RTN4RL1: variants seen among roughly 807,000 people sequenced by gnomAD.
RTN4RL1 encodes reticulon 4 receptor like 1.
Under a neutral mutation model 25.6 loss-of-function variants are expected in RTN4RL1, and 7 were observed. The observed-to-expected ratio is 0.27, with a 90% CI of 0.16 to 0.51. The LOEUF is 0.51. RTN4RL1 is among the 20% of genes least tolerant of loss of function. The probability of loss-of-function intolerance (pLI) is 0.97; values close to 1 mark genes in which losing one functional copy is unlikely to be tolerated. For missense variants in RTN4RL1, 500 were observed against 615.6 expected (o/e 0.81, Z 1.99); for synonymous variants, 297 against 288.2 (o/e 1.03, Z -0.31).
rs71723916 is a variant in RTN4RL1 at position 1,980,926 on chromosome 17, C to CAAAAAAAAAAAAAAAAAA, written c.14-43136_14-43119dup. Among the ~76,000 whole-genome samples the CAAAAAAAAAAAAAAAAAA allele has an allele frequency of 4.1e-4, 36 of 87,102 alleles. 1 individual carries two copies. Among genetic ancestry groups the CAAAAAAAAAAAAAAAAAA allele is most frequent in the Non-Finnish European group, 5.8e-4 (27 of 46,494 alleles). 57.1% of individuals were successfully genotyped at this position (87,102 alleles called of 152,430 possible). ...TGGGCCACAGAGTGAGATTCTATCTCAAAAAAAAAAAAAAAAAAAAGAAGT... is the reference window on the plus strand; with the variant it reads ...TGGGCCACAGAGTGAGATTCTATCTCAAAAAAAAAAAAAAAAAAAAAAAAAAAAAAAAAAAAAAGAAGT... On this transcript the variant is annotated intron_variant, in intron 1 of 1. Coordinates refer to ENST00000331238, the MANE Select transcript of RTN4RL1 (RefSeq NM_178568.4).
At chr17:2,018,687 G>A (rs1432877837) in intron 1 of RTN4RL1, among the ~76,000 whole-genome samples, 1 of 152,104 alleles carries the variant, frequency 6.6e-6, no homozygotes, top group East Asian at 1.9e-4. Flanking sequence ...TCAGCAGTGC[G>A]CCGGCTGGGT....
intron 1 of RTN4RL1, among the ~76,000 whole-genome samples, chr17:2,016,641 C>T (rs934076893): frequency 5.9e-5 from 9 of 152,208 alleles, no homozygotes; most frequent in Admixed American, 5.2e-4. Flanking sequence ...AGTCTGGCAG[C>T]GTGTGATGAG....
chr17:2,023,967 G>T (rs1282913563), intron 1 of RTN4RL1, among the ~76,000 whole-genome samples: 1 of 152,156 alleles, frequency 6.6e-6, no homozygotes, highest in Non-Finnish European at 1.5e-5. Context: ...GCTCGGGCCT[G>T]GGAGGGGAGA....
intron 1 of RTN4RL1, among the ~76,000 whole-genome samples, chr17:1,980,798 G>A (rs988704059): frequency 4.4e-4 from 66 of 151,688 alleles, no homozygotes; most frequent in African/African-American, 1.6e-3. Flanking sequence ...GTGTGGTGGT[G>A]TAGCCTGTAA....
chr17:2,013,342 T>C (rs950782196), intron 1 of RTN4RL1, among the ~76,000 whole-genome samples: 3 of 152,184 alleles, frequency 2.0e-5, no homozygotes, highest in African/African-American at 7.2e-5. Context: ...GTGTAGCAGA[T>C]ACTGCGAGGG....
chr17:1,954,731 T>C (rs527888729), intron 1 of RTN4RL1, among the ~76,000 whole-genome samples: 50 of 152,288 alleles, frequency 3.3e-4, no homozygotes, highest in African/African-American at 1.2e-3. Context: ...GCAGCACTGC[T>C]GCGCGTCCAA....
rs1400942199 is a variant in RTN4RL1, at chr17:2,025,184, G to A, written c.-319C>T. ...CGGAGCACTTCGCAGGCGGTTTTGA[G>A]GGGGGACGCCGCCCCCTGGCCGGCC... On this transcript the variant is annotated 5_prime_UTR_variant, in exon 1 of 2. Transcript: ENST00000331238. This position sits in a 1 kb window ranked among gnomAD's most constrained non-coding sequence, Gnocchi z 4.8. 1 of 248,182 alleles carries A rather than the reference G, an allele frequency of 4.0e-6. No homozygotes were observed. The highest frequency in any genetic ancestry group is 2.3e-5 in the African/African-American group (1 of 44,286). The allele number at this position is 248,182 out of a possible 1,614,324, so 15.4% of individuals were successfully genotyped here. A position where few individuals can be genotyped will look rare whatever the true frequency, so the allele number is the denominator to read the frequency against.
intron 1 of RTN4RL1, among the ~76,000 whole-genome samples, chr17:2,022,360 C>T (rs900051199): frequency 3.3e-5 from 5 of 152,058 alleles, no homozygotes; most frequent in Admixed American, 2.0e-4. Flanking sequence ...CTCTGTTGCC[C>T]GAGCTGGCCT....
intron 1 of RTN4RL1, among the ~76,000 whole-genome samples, chr17:2,021,806 C>A (rs563891177): frequency 6.7e-6 from 1 of 149,708 alleles, no homozygotes; most frequent in Non-Finnish European, 1.5e-5. Flanking sequence ...CCTCCCAACT[C>A]GGCCTCCCAA....
chr17:1,997,797 C>T (rs2066936165), intron 1 of RTN4RL1, among the ~76,000 whole-genome samples: 1 of 152,234 alleles, frequency 6.6e-6, no homozygotes, highest in Non-Finnish European at 1.5e-5. Context: ...TGAGCCGGGG[C>T]TGGGAGGTCC....
rs1055322585 is a variant in RTN4RL1 at position 1,998,369 on chromosome 17, G to A, written c.13+26484C>T. Among the ~76,000 whole-genome samples the A allele has an allele frequency of 6.6e-6, 1 of 152,092 alleles. No homozygotes were observed. The highest frequency in any genetic ancestry group is 1.5e-5 in the Non-Finnish European group (1 of 67,988). ...CTTCTCGCTCTAGAGCCGGGGGCCCGCGCTGAGAGATCGGGGTTACCGCGC... is the reference window on the plus strand; with the variant it reads ...CTTCTCGCTCTAGAGCCGGGGGCCCACGCTGAGAGATCGGGGTTACCGCGC... On this transcript the variant is annotated intron_variant, in intron 1 of 1. Transcript: ENST00000331238. The surrounding 1 kb of genome is among the most constrained non-coding windows in gnomAD (Gnocchi z 4.9).
intron 1 of RTN4RL1, among the ~76,000 whole-genome samples, chr17:2,005,883 G>A (rs1393896317): frequency 2.0e-5 from 3 of 147,862 alleles, no homozygotes; most frequent in Non-Finnish European, 4.5e-5. Flanking sequence ...TGCAACCTCC[G>A]CCACCCGGGT....
chr17:2,002,764 T>TG (rs1379775811), intron 1 of RTN4RL1, among the ~76,000 whole-genome samples: 1 of 151,792 alleles, frequency 6.6e-6, no homozygotes, highest in East Asian at 1.9e-4. Context: ...CAGTTCCCAG[T>TG]GGGGGGCAGA....
intron 1 of RTN4RL1, among the ~76,000 whole-genome samples, chr17:1,968,762 T>C (rs2151312416): frequency 6.6e-6 from 1 of 152,346 alleles, no homozygotes; most frequent in Non-Finnish European, 1.5e-5. Context: ...CCTGGCTCAT[T>C]GCACTTGTTC....
intron 1 of RTN4RL1, among the ~76,000 whole-genome samples, chr17:2,010,903 T>C (rs1208555131): frequency 6.6e-6 from 1 of 152,126 alleles, no homozygotes; most frequent in Non-Finnish European, 1.5e-5. Flanking sequence ...ATTTTATTCA[T>C]CGCTTCACCC....
intron 1 of RTN4RL1, among the ~76,000 whole-genome samples, chr17:2,021,793 G>C (rs1224413714): frequency 6.7e-6 from 1 of 149,646 alleles, no homozygotes; most frequent in Non-Finnish European, 1.5e-5. Flanking sequence ...GACCTCCGGT[G>C]ATCCTCCCAA....
intron 1 of RTN4RL1, among the ~76,000 whole-genome samples, chr17:1,957,840 T>C (rs1486847881): frequency 6.7e-6 from 1 of 148,468 alleles, no homozygotes; most frequent in African/African-American, 2.5e-5. Flanking sequence ...TGAGACTCTG[T>C]CTCAAACAAC....
At position 1,936,305 on chromosome 17, in the gene RTN4RL1, C is replaced by G. The variant is rs1474262815; in HGVS notation, c.*191G>C. ...GACAGCCGGCTGAGAAGCGCCACCC[C>G]CTCCCGCCTAGGGCTGTACACTTTG... On this transcript the variant is annotated 3_prime_UTR_variant, in exon 2 of 2. Coordinates refer to ENST00000331238, the MANE Select transcript of RTN4RL1 (RefSeq NM_178568.4). The G allele has an allele frequency of 3.6e-6, 5 of 1,377,664 alleles. No individual in the cohort carries two copies. In the South Asian group the frequency reaches 6.9e-5, roughly 19 times the overall value. 85.3% of individuals were successfully genotyped at this position (1,377,664 alleles called of 1,614,324 possible). A position where few individuals can be genotyped will look rare whatever the true frequency, so the allele number is the denominator to read the frequency against.
rs1179356089 is a variant in RTN4RL1 at position 1,935,372 on chromosome 17, G to A, written c.*1124C>T. On this transcript the variant is annotated 3_prime_UTR_variant, in exon 2 of 2. Transcript: ENST00000331238. Reference sequence around the variant, plus strand: ...TGAAGCCAACAGCTACGACAGCAGGGGTGACAGGGCGCTCCAGGGTGGCAG... The same window carrying A: ...TGAAGCCAACAGCTACGACAGCAGGAGTGACAGGGCGCTCCAGGGTGGCAG... 2 of 172,002 alleles carry A rather than the reference G, an allele frequency of 1.2e-5. No individual in the cohort carries two copies. Among genetic ancestry groups the A allele is most frequent in the Non-Finnish European group, 2.3e-5 (2 of 85,966 alleles). 10.7% of individuals were successfully genotyped at this position (172,002 alleles called of 1,614,324 possible).
Sources: allele counts gnomAD v4.1 joint callset (sites outside exome capture counted in the v4.1 genomes callset), GRCh38; gene constraint gnomAD v4.1.1; non-coding constraint Gnocchi (gnomAD v3.1); transcripts MANE v1.5; gene names NCBI Gene and HGNC (gene_info 2026-07-23, HGNC 2026-07-21).